MCPH1: variants seen among roughly 807,000 people sequenced by gnomAD.
The protein encoded by MCPH1 is microcephalin 1, also known as microcephalin.
In MCPH1, 104 loss-of-function variants were observed where a neutral mutation model predicts 84.5. The ratio of observed to expected loss-of-function variants is 1.23; its 90% CI spans 1.05 to 1.45. MCPH1 has a LOEUF of 1.45. Among genes scored for constraint, MCPH1 ranks in the 40% most tolerant of loss-of-function variants. MCPH1 has a pLI of 0.00. For synonymous variants in MCPH1, 514 were observed against 366.8 expected (o/e 1.40, Z -4.58); for missense variants, 1,498 against 1,005.7 (o/e 1.49, Z -6.62).
intron 9 of MCPH1, among the ~76,000 whole-genome samples, chr8:6,468,836 G>A (rs974644224): frequency 5.3e-5 from 8 of 152,080 alleles, no homozygotes; most frequent in Admixed American, 6.6e-5. Flanking sequence ...GTAAAAAACA[G>A]TCCACATAAG....
intron 11 of MCPH1, among the ~76,000 whole-genome samples, chr8:6,491,861 T>C (rs1296220786): frequency 6.6e-6 from 1 of 152,224 alleles, no homozygotes; most frequent in Non-Finnish European, 1.5e-5. Flanking sequence ...CACATTTTCT[T>C]AATCCAGTCT....
intron 12 of MCPH1, chr8:6,527,537 T>G (rs1382524848): frequency 1.2e-6 from 2 of 1,611,232 alleles, no homozygotes; most frequent in African/African-American, 2.7e-5. Flanking sequence ...ATTATAAATG[T>G]TTTAGTACTG....
chr8:6,455,115 A>G (rs202154392), intron 8 of MCPH1, 28 bp from the exon 9 acceptor site: 2 of 1,558,116 alleles, frequency 1.3e-6, no homozygotes, highest in African/African-American at 2.7e-5. Flanking sequence ...TAAAGTTCTA[A>G]CTAATTTTTA....
chr8:6,625,851 T>C (rs1832020828), intron 13 of MCPH1: 1 of 985,338 alleles, frequency 1.0e-6, no homozygotes. Context: ...ACAGTCTTGT[T>C]TTGCAGATGT....
intron 12 of MCPH1, among the ~76,000 whole-genome samples, chr8:6,585,293 G>A (rs557177248): frequency 6.6e-6 from 1 of 152,186 alleles, no homozygotes; most frequent in Non-Finnish European, 1.5e-5. Context: ...AGCAGGATCC[G>A]TGCCCACCAC....
In MCPH1 at chr8:6,557,639, A is replaced by G. The variant is rs569662413; in HGVS notation, c.2214+57710A>G. Among the ~76,000 whole-genome samples, 8 of 152,042 alleles carry G rather than the reference A, an allele frequency of 5.3e-5. No individual in the cohort carries two copies. In the South Asian group the frequency reaches 1.5e-3, roughly 28 times the overall value. On this transcript the variant is annotated intron_variant, in intron 12 of 13. Transcript: ENST00000344683. ...GAAGCCAATCTTACAGGGCCATCCT[A>G]TAGAACAAATATATATTTTTTATAT... is the stretch of plus-strand genomic sequence containing the variant.
At chr8:6,580,641 ACT>A (rs779200360) in intron 12 of MCPH1, among the ~76,000 whole-genome samples, 3 of 152,084 alleles carry the variant, frequency 2.0e-5, no homozygotes, top group Non-Finnish European at 2.9e-5. Context: ...ACAGAGCAAG[ACT>A]CTATCTCAAC....
At chr8:6,447,783 T>C (rs1005526756) in intron 8 of MCPH1, among the ~76,000 whole-genome samples, 4 of 152,082 alleles carry the variant, frequency 2.6e-5, no homozygotes, top group Non-Finnish European at 4.4e-5. Flanking sequence ...ACTCGCGACC[T>C]CATGATCTAC....
intron 9 of MCPH1, among the ~76,000 whole-genome samples, chr8:6,457,328 C>T (rs1805794999): frequency 1.3e-5 from 2 of 152,244 alleles, no homozygotes; most frequent in African/African-American, 4.8e-5. Flanking sequence ...CATGGTGGCT[C>T]ATGCCTATAA....
At chr8:6,466,189 T>C (rs1806917502) in intron 9 of MCPH1, among the ~76,000 whole-genome samples, 1 of 144,602 alleles carries the variant, frequency 6.9e-6, no homozygotes, top group African/African-American at 2.5e-5. Context: ...CAGGCTGGAG[T>C]GCAGTTGCGC....
intron 12 of MCPH1, chr8:6,513,727 A>T: frequency 6.2e-7 from 1 of 1,613,834 alleles, no homozygotes; most frequent in Non-Finnish European, 8.5e-7. Context: ...TACAATGAGT[A>T]AGCCTCATTC....
intron 3 of MCPH1, among the ~76,000 whole-genome samples, chr8:6,427,784 G>T (rs1801267018): frequency 9.5e-6 from 1 of 105,348 alleles, no homozygotes; most frequent in African/African-American, 3.3e-5. Context: ...TTCGTAAGTA[G>T]TTATTATACT....
At chr8:6,448,759 G>C (rs1209089658) in intron 8 of MCPH1, among the ~76,000 whole-genome samples, 1 of 152,150 alleles carries the variant, frequency 6.6e-6, no homozygotes, top group African/African-American at 2.4e-5. Flanking sequence ...ATTGGTACCA[G>C]TAAATCTTCA....
chr8:6,551,520 A>C (rs1823649672), intron 12 of MCPH1, among the ~76,000 whole-genome samples: 1 of 152,200 alleles, frequency 6.6e-6, no homozygotes, highest in Non-Finnish European at 1.5e-5. Context: ...CAAAATCACC[A>C]GTTGTTGTTT....
intron 8 of MCPH1, among the ~76,000 whole-genome samples, chr8:6,450,757 T>C (rs972781033): frequency 1.3e-5 from 2 of 152,014 alleles, no homozygotes; most frequent in Non-Finnish European, 2.9e-5. Flanking sequence ...GTTGTTGTTG[T>C]TTTGAGATAG....
At chr8:6,492,855 G>A (rs1020395689) in intron 11 of MCPH1, among the ~76,000 whole-genome samples, 3 of 151,640 alleles carry the variant, frequency 2.0e-5, no homozygotes, top group Admixed American at 2.0e-4. Context: ...TGTACTCTTG[G>A]GTAGTACAGA....
chr8:6,445,444 T>G lies in MCPH1; in HGVS notation c.1722T>G (p.Ser574=). The part of the protein sequence containing the change: ...KGTTSKISNS[S]EGEAQSEHEP... ...CCACTTCCAAAATATCAAACTCCTC[T>G]GAAGGCGAAGCCCAGAGTGAACATG... is the stretch of plus-strand genomic sequence containing the variant. Residue 574 remains serine (S), a synonymous_variant, in exon 8 of 14, where the codon TCT becomes TCG. Coordinates refer to ENST00000344683, the MANE Select transcript of MCPH1 (RefSeq NM_024596.5). 1 of 1,614,236 alleles carries G rather than the reference T, an allele frequency of 6.2e-7. No homozygotes were observed. Among genetic ancestry groups the G allele is most frequent in the East Asian group, 2.2e-5 (1 of 44,886 alleles).
At chr8:6,575,540 T>C (rs549499140) in intron 12 of MCPH1, among the ~76,000 whole-genome samples, 1 of 152,332 alleles carries the variant, frequency 6.6e-6, no homozygotes, top group South Asian at 2.1e-4. Flanking sequence ...TTACAAGATA[T>C]AATTAGTAGC....
intron 12 of MCPH1, among the ~76,000 whole-genome samples, chr8:6,560,252 T>C (rs1263941780): frequency 6.6e-6 from 1 of 152,170 alleles, no homozygotes; most frequent in African/African-American, 2.4e-5. Context: ...AAAGAAAATA[T>C]GTAAAACCAT....
Sources: gnomAD v4.1 joint callset for allele counts (sites outside exome capture counted in the v4.1 genomes callset) on GRCh38, gnomAD v4.1.1 for gene constraint, MANE v1.5 for transcripts, NCBI Gene and HGNC (gene_info 2026-07-23, HGNC 2026-07-21) for gene names.